The following PPP6R3 variants were observed in gnomAD, a reference collection of about 807,000 sequenced individuals.
PPP6R3 encodes the protein protein phosphatase 6 regulatory subunit 3, also known as serine/threonine-protein phosphatase 6 regulatory subunit 3.
In PPP6R3, 38 loss-of-function variants were observed where a neutral mutation model predicts 110.7. The ratio of observed to expected loss-of-function variants is 0.34; its 90% confidence interval spans 0.26 to 0.45. The LOEUF is 0.45. PPP6R3 is among the 20% of genes least tolerant of loss of function. PPP6R3 has a pLI of 1.00. For missense variants in PPP6R3, 870 were observed against 1,062.4 expected (o/e 0.82, Z 2.52); for synonymous variants, 369 against 373.5 (o/e 0.99, Z 0.14).
intron 1 of PPP6R3, among the ~76,000 whole-genome samples, chr11:68,476,768 T>C (rs1361840651): frequency 1.3e-5 from 2 of 152,112 alleles, no homozygotes; most frequent in East Asian, 3.9e-4. Context: ...CACACCTGTA[T>C]TCCCAGCACT....
intron 2 of PPP6R3, among the ~76,000 whole-genome samples, chr11:68,523,722 T>G (rs867328285): frequency 1.0e-4 from 9 of 87,614 alleles, no homozygotes; most frequent in African/African-American, 3.6e-4. Flanking sequence ...CCCCCCCCCC[T>G]TTTTTTTTTC....
chr11:68,588,758 T>A (rs1249986602), intron 16 of PPP6R3, among the ~76,000 whole-genome samples: 47 of 141,740 alleles, frequency 3.3e-4, no homozygotes, highest in African/African-American at 9.6e-4. Flanking sequence ...ACTCGGTCTT[T>A]AAAAAAAAAA....
intron 1 of PPP6R3, among the ~76,000 whole-genome samples, chr11:68,510,820 TA>T (rs1379361313): frequency 6.6e-6 from 1 of 152,204 alleles, no homozygotes; most frequent in Non-Finnish European, 1.5e-5. Context: ...TTTACCTCCA[TA>T]TGTCTGAAGA....
intron 8 of PPP6R3, 99 bp downstream of exon 8, chr11:68,558,778 A>C: frequency 1.2e-6 from 1 of 845,226 alleles, no homozygotes; most frequent in Non-Finnish European, 1.9e-6. Flanking sequence ...CGTACCTTTG[A>C]ATTGCAGTTG....
At chr11:68,609,095 T>G (rs1381505926) in intron 22 of PPP6R3, among the ~76,000 whole-genome samples, 1 of 152,190 alleles carries the variant, frequency 6.6e-6, no homozygotes, top group Non-Finnish European at 1.5e-5. Context: ...ATTGTGATTA[T>G]GTAAAAAGGG....
At chr11:68,493,123 T>C (rs994440365) in intron 1 of PPP6R3, among the ~76,000 whole-genome samples, 5 of 152,204 alleles carry the variant, frequency 3.3e-5, no homozygotes, top group Non-Finnish European at 7.3e-5. Flanking sequence ...TTGTGCTCAT[T>C]CTGCCCTCAA....
At chr11:68,556,801 T>C (rs1444811076) in intron 7 of PPP6R3, among the ~76,000 whole-genome samples, 1 of 152,260 alleles carries the variant, frequency 6.6e-6, no homozygotes, top group African/African-American at 2.4e-5. Flanking sequence ...CTGGGTTTGG[T>C]GATACTTGCG....
intron 2 of PPP6R3, among the ~76,000 whole-genome samples, chr11:68,530,224 G>A (rs143404075): frequency 2.6e-3 from 398 of 152,224 alleles, no homozygotes; most frequent in African/African-American, 8.8e-3. Context: ...GATAGAGCTT[G>A]TGTAGTTCTA....
chr11:68,567,352 G>A (rs2099479652), intron 10 of PPP6R3, among the ~76,000 whole-genome samples, 186 bp downstream of exon 10: 1 of 152,148 alleles, frequency 6.6e-6, no homozygotes, highest in African/African-American at 2.4e-5. Context: ...TTGTTCACTA[G>A]GCATCTACTG....
chr11:68,562,896 G>T (rs1439091828), intron 8 of PPP6R3, among the ~76,000 whole-genome samples: 3 of 152,088 alleles, frequency 2.0e-5, no homozygotes, highest in Admixed American at 1.3e-4. Context: ...TGATAACTCA[G>T]ACTACACTAA....
At chr11:68,493,931 T>C (rs1165073247) in intron 1 of PPP6R3, among the ~76,000 whole-genome samples, 11 of 150,248 alleles carry the variant, frequency 7.3e-5, no homozygotes, top group Non-Finnish European at 1.5e-4. Context: ...TATAACCCCC[T>C]CTCTACTAAA....
intron 2 of PPP6R3, among the ~76,000 whole-genome samples, chr11:68,523,840 G>T (rs2153587483): frequency 6.6e-6 from 1 of 151,508 alleles, no homozygotes; most frequent in South Asian, 2.1e-4. Context: ...TTCATGAATT[G>T]TTGGCGTTCT....
At chr11:68,483,956 A>G (rs2098930961) in intron 1 of PPP6R3, among the ~76,000 whole-genome samples, 1 of 152,192 alleles carries the variant, frequency 6.6e-6, no homozygotes, top group Admixed American at 6.5e-5. Flanking sequence ...TCTTTTCCAG[A>G]ATGTCATACA....
chr11:68,596,356 C>G (rs1370391780), intron 19 of PPP6R3, 138 bp downstream of exon 19: 2 of 1,217,424 alleles, frequency 1.6e-6, no homozygotes, highest in Non-Finnish European at 2.3e-6. Flanking sequence ...CAAGTGAATT[C>G]CTCTTGGAGG....
intron 22 of PPP6R3, chr11:68,609,694 G>A (rs1398853617): frequency 6.3e-7 from 1 of 1,576,650 alleles, no homozygotes; most frequent in African/African-American, 1.4e-5. Flanking sequence ...CCCTGTTTTG[G>A]TTCCCACCTG....
intron 14 of PPP6R3, 71 bp from the exon 15 acceptor site, chr11:68,582,972 C>T (rs2099567193): frequency 6.5e-6 from 7 of 1,081,584 alleles, no homozygotes; most frequent in Middle Eastern, 2.7e-4. Context: ...GTGATTTTTC[C>T]ATAAAAATGC....
At chr11:68,531,809 T>C (rs542479348) in intron 2 of PPP6R3, among the ~76,000 whole-genome samples, 3 of 152,256 alleles carry the variant, frequency 2.0e-5, no homozygotes, top group African/African-American at 7.2e-5. Context: ...ATCCTGAGGC[T>C]TAGAGATGAA....
chr11:68,563,635 T>C (rs2099439499), intron 8 of PPP6R3, among the ~76,000 whole-genome samples: 1 of 152,238 alleles, frequency 6.6e-6, no homozygotes, highest in Non-Finnish European at 1.5e-5. Flanking sequence ...CAGTGCAGTA[T>C]GCAGGGCAAC....
chr11:68,492,358 G>C (rs1429971436), intron 1 of PPP6R3, among the ~76,000 whole-genome samples: 2 of 152,068 alleles, frequency 1.3e-5, no homozygotes, highest in African/African-American at 4.8e-5. Flanking sequence ...TTGCTATGTT[G>C]CCCAGGCTGG....
Sources: allele counts gnomAD v4.1 joint callset (sites outside exome capture counted in the v4.1 genomes callset), GRCh38; gene constraint gnomAD v4.1.1; transcripts MANE v1.5; gene names NCBI Gene and HGNC (gene_info 2026-07-23, HGNC 2026-07-21).